The following MAP3K21 variants were observed in gnomAD, a reference collection of about 807,000 sequenced individuals.
The protein encoded by MAP3K21 is mitogen-activated protein kinase kinase kinase 21.
MAP3K21 carries 63 observed loss-of-function variants against 86.1 expected under a neutral mutation model. That is an observed-to-expected ratio of 0.73 (90% CI 0.60 to 0.90). The LOEUF (loss-of-function observed/expected upper bound fraction) is 0.90, where lower values mean the gene tolerates loss of function less well. MAP3K21 is among the 40% of genes least tolerant of loss of function. The pLI is 0.00. For missense variants in MAP3K21, 1,220 were observed against 1,367.7 expected, an observed-to-expected ratio of 0.89 and a Z score of 1.70; for synonymous variants, 558 against 564.8, an observed-to-expected ratio of 0.99 and a Z score of 0.17.
chr1:233,373,963 A>C (rs566435828), intron 6 of MAP3K21: 2 of 152,190 alleles, frequency 1.3e-5, no homozygotes, highest in African/African-American at 2.4e-5. Flanking sequence ...GAGAGTGTAG[A>C]TAGCTCTGGG....
intron 2 of MAP3K21, among the ~76,000 whole-genome samples, chr1:233,351,863 T>C (rs929289461): frequency 2.0e-5 from 3 of 152,324 alleles, no homozygotes; most frequent in Non-Finnish European, 2.9e-5. Context: ...AAACCAAATA[T>C]GACTGTTCCT....
intron 2 of MAP3K21, among the ~76,000 whole-genome samples, chr1:233,353,221 G>C (rs1196297772): frequency 6.6e-6 from 1 of 152,204 alleles, no homozygotes; most frequent in Admixed American, 6.5e-5. Flanking sequence ...GTGTAAGGGG[G>C]CCCACACTGA....
chr1:233,341,886 A>T (rs1197108558), intron 1 of MAP3K21, among the ~76,000 whole-genome samples: 2 of 152,120 alleles, frequency 1.3e-5, no homozygotes, highest in Non-Finnish European at 2.9e-5. Context: ...AGCCATTTTG[A>T]TCATTAATTT....
chr1:233,327,943 G>T lies in MAP3K21; in HGVS notation c.-86G>T, dbSNP rs1056809175. 9.0e-7 allele frequency: 1 copy of T among 1,115,942 alleles called. No individual in the cohort carries two copies. The highest frequency in any genetic ancestry group is 1.1e-6 in the Non-Finnish European group (1 of 886,634). 69.1% of individuals were successfully genotyped at this position (1,115,942 alleles called of 1,614,324 possible). A position where few individuals can be genotyped will look rare whatever the true frequency, so the allele number is the denominator to read the frequency against. Reference sequence around the variant, plus strand: ...CCCTCGCCTTCCCCCGGCGCCGACGGCCACACCGCCGGACGATGCGCGCCC... The same window carrying T: ...CCCTCGCCTTCCCCCGGCGCCGACGTCCACACCGCCGGACGATGCGCGCCC... On this transcript the variant is annotated 5_prime_UTR_variant, in exon 1 of 10. Coordinates refer to ENST00000366624, the MANE Select transcript of MAP3K21 (RefSeq NM_032435.3).
intron 4 of MAP3K21, among the ~76,000 whole-genome samples, chr1:233,360,497 A>G (rs1663447347): frequency 6.6e-6 from 1 of 152,210 alleles, no homozygotes. Context: ...TGTTTCAAGA[A>G]ATAAATTTAA....
At chr1:233,349,734 C>G (rs1201153869) in intron 2 of MAP3K21, among the ~76,000 whole-genome samples, 1 of 152,084 alleles carries the variant, frequency 6.6e-6, no homozygotes, top group Non-Finnish European at 1.5e-5. Context: ...GTCGAGAGAT[C>G]GAGACCATCC....
chr1:233,377,692 A>G (rs1225513790), intron 8 of MAP3K21, among the ~76,000 whole-genome samples: 2 of 152,228 alleles, frequency 1.3e-5, no homozygotes. Context: ...GGATGGTTTC[A>G]GGATGATCCA....
intron 2 of MAP3K21, among the ~76,000 whole-genome samples, chr1:233,351,696 C>CA (rs10710526): frequency 7.3e-4 from 86 of 117,048 alleles, no homozygotes; most frequent in Admixed American, 9.5e-4. Flanking sequence ...GATTCCATCT[C>CA]AAAAAAAAAA....
Position 233,382,486 on chromosome 1 carries a change from G to A in MAP3K21, c.2886G>A (p.Gln962=), listed in dbSNP as rs1339418261. ...CAGATCTGCCTCAGGCTTACCCACA[G>A]ACAGCAGTGTCTCAGCTGGCACAGA... ...SRSDLPQAYP[Q]TAVSQLAQTA... is the part of the protein sequence containing the mutation. The change falls in exon 10 of 10, where the codon CAG becomes CAA. Residue 962 remains glutamine (Q), a synonymous_variant. Transcript: ENST00000366624. The A allele has an allele frequency of 6.2e-7, 1 of 1,614,174 alleles. No individual in the cohort carries two copies. Among genetic ancestry groups the A allele is most frequent in the Non-Finnish European group, 8.5e-7 (1 of 1,180,020 alleles).
chr1:233,372,321 G>T (rs1663701179), intron 6 of MAP3K21, 161 bp downstream of exon 6: 1 of 778,638 alleles, frequency 1.3e-6, no homozygotes, highest in South Asian at 3.1e-5. Context: ...TTGAGCATAG[G>T]TTCCTTAGTC....
chr1:233,353,970 T>C lies in MAP3K21; in HGVS notation c.1135+15T>C. 1 of 1,494,664 alleles carries C rather than the reference T, an allele frequency of 6.7e-7. No individual in the cohort carries two copies. Among genetic ancestry groups the C allele is most frequent in the Non-Finnish European group, 8.9e-7 (1 of 1,118,312 alleles). 92.6% of individuals were successfully genotyped at this position (1,494,664 alleles called of 1,614,324 possible). On this transcript the variant is annotated intron_variant, in intron 3 of 9. Coordinates refer to ENST00000366624, the MANE Select transcript of MAP3K21 (RefSeq NM_032435.3). ...GCTCATGAAAGGTATTGTGTGTGTG[T>C]GTGTGTGTCTTTGTGGGGGCAAGAA...
At position 233,382,640 on chromosome 1, in the gene MAP3K21, C is replaced by T. The variant is rs749362387; in HGVS notation, c.3040C>T (p.Pro1014Ser). Reference sequence around the variant, plus strand: ...AGGTCAGAGCAGGGACTACACTGTGCCACTGTGCAGAATGAGGAGCAAAAC... The same window carrying T: ...AGGTCAGAGCAGGGACTACACTGTGTCACTGTGCAGAATGAGGAGCAAAAC... The part of the protein sequence containing the change: ...VEGQSRDYTV[P>S]LCRMRSKTSR... Residue 1014 changes from proline to serine, a missense_variant, in exon 10 of 10, where the codon CCA (proline) becomes TCA (serine). Physicochemically the swap from Pro to Ser is moderately conservative, Grantham distance 74 (BLOSUM62 -1). Transcript: ENST00000366624. The T allele has an allele frequency of 6.2e-7, 1 of 1,614,096 alleles. No homozygotes were observed. The highest frequency in any genetic ancestry group is 8.5e-7 in the Non-Finnish European group (1 of 1,179,956).
In MAP3K21 at chr1:233,328,684, C is replaced by A; in HGVS notation, c.656C>A (p.Pro219Gln). ...NRALAAANAA[P>Q]DPRAPGPRRA... ...GCGCTGGCCGCTGCCAACGCCGCCC[C>A]GGACCCGCGCGCGCCCGGCCCCCGC... Residue 219 changes from proline to glutamine, a missense_variant, in exon 1 of 10, where the codon CCG (proline) becomes CAG (glutamine). Physicochemically the swap from Pro to Gln is moderately conservative, Grantham distance 76 (BLOSUM62 -1). Transcript: ENST00000366624. The surrounding 1 kb of genome is among the most constrained non-coding windows in gnomAD (Gnocchi z 8.7). 3 of 1,353,506 alleles carry A rather than the reference C, an allele frequency of 2.2e-6. No individual in the cohort carries two copies. The highest frequency in any genetic ancestry group is 1.9e-5 in the South Asian group (1 of 51,378). 83.8% of individuals were successfully genotyped at this position (1,353,506 alleles called of 1,614,324 possible).
chr1:233,382,574 AC>A lies in MAP3K21; in HGVS notation c.2975del (p.Thr992IlefsTer27). On this transcript the variant is annotated frameshift_variant, in exon 10 of 10. Transcript: ENST00000366624. LOFTEE classifies it low-confidence loss of function (END_TRUNC). Reference protein sequence around the residue: ...PTQFLAAKERTKSHVPSLLDA... With the variant: ...PTQFLAAKERXKSHVPSLLDA... The stretch of plus-strand genomic sequence containing the variant: ...CCAATTCCTCGCTGCCAAGGAGAGA[AC>A]TAAATCCCATGTGCCTTCATTACTG... 6.2e-7 allele frequency: 1 copy of A among 1,614,166 alleles called. No individual in the cohort carries two copies.
intron 1 of MAP3K21, among the ~76,000 whole-genome samples, chr1:233,332,582 T>C (rs1175825647): frequency 6.6e-6 from 1 of 152,160 alleles, no homozygotes; most frequent in East Asian, 1.9e-4. Context: ...AAGTGATGGC[T>C]TTCAAGGTTG....
chr1:233,329,786 C>G (rs143312558), intron 1 of MAP3K21, among the ~76,000 whole-genome samples: 73 of 152,322 alleles, frequency 4.8e-4, no homozygotes, highest in Admixed American at 1.0e-3. Context: ...TGTCCTTGCA[C>G]AGGTACTTGA....
chr1:233,362,667 ATCATTACGT>A (rs1158250030), intron 5 of MAP3K21, among the ~76,000 whole-genome samples: 7 of 152,126 alleles, frequency 4.6e-5, no homozygotes, highest in Non-Finnish European at 1.0e-4. Context: ...TTAATATTTC[ATCATTACGT>A]TCATTGCTTC....
intron 1 of MAP3K21, among the ~76,000 whole-genome samples, chr1:233,332,058 C>T (rs1004189427): frequency 2.6e-5 from 4 of 152,056 alleles, no homozygotes; most frequent in African/African-American, 9.7e-5. Context: ...TGAAAATCGC[C>T]AGTGTTATGC....
At chr1:233,352,956 G>GTA (rs1441786728) in intron 2 of MAP3K21, among the ~76,000 whole-genome samples, 6 of 152,212 alleles carry the variant, frequency 3.9e-5, no homozygotes, top group Non-Finnish European at 7.3e-5. Context: ...ATGTCCCTGT[G>GTA]TACTAAATTG....
Sources: allele counts gnomAD v4.1 joint callset (sites outside exome capture counted in the v4.1 genomes callset), GRCh38; gene constraint gnomAD v4.1.1; non-coding constraint Gnocchi (gnomAD v3.1); transcripts MANE v1.5; gene names NCBI Gene and HGNC (gene_info 2026-07-23, HGNC 2026-07-21).